Variants in GLS observed in about 807,000 individuals in gnomAD.
GLS encodes glutaminase kidney isoform, mitochondrial.
In GLS, 36 loss-of-function variants were observed where a neutral mutation model predicts 86.7. That is an observed-to-expected ratio of 0.42 (90% CI 0.32 to 0.55). The LOEUF is 0.55. GLS is among the 20% of genes least tolerant of loss of function. The pLI is 0.17. For synonymous variants in GLS, 317 were observed against 305.9 expected, an observed-to-expected ratio of 1.04 and a Z score of -0.38; for missense variants, 528 against 833.4, an observed-to-expected ratio of 0.63 and a Z score of 4.51.
At position 190,881,204 on chromosome 2, in the gene GLS, C is replaced by A; in HGVS notation, c.120C>A (p.Gly40=). ...PLVTLCRRPR[G]GGRPAAGPAA... ...TCACCCTGTGCCGGCGTCCCCGAGG[C>A]GGGGGACGGCCGGCCGCGGGCCCGG... The change falls in exon 1 of 18, where the codon GGC becomes GGA. Residue 40 remains glycine (G), a synonymous_variant. Transcript: ENST00000320717. 1 of 1,260,774 alleles carries A rather than the reference C, an allele frequency of 7.9e-7. No homozygotes were observed. The highest frequency in any genetic ancestry group is 3.1e-5 in the South Asian group (1 of 32,754). 78.1% of individuals were successfully genotyped at this position (1,260,774 alleles called of 1,614,324 possible).
intron 1 of GLS, among the ~76,000 whole-genome samples, chr2:190,882,434 C>T (rs1472925132): frequency 6.6e-6 from 1 of 152,094 alleles, no homozygotes; most frequent in African/African-American, 2.4e-5. Flanking sequence ...CTTTGTTTTC[C>T]CAAAATGGGT....
At chr2:190,940,928 T>C (rs1264274935) in intron 14 of GLS, among the ~76,000 whole-genome samples, 2 of 152,130 alleles carry the variant, frequency 1.3e-5, no homozygotes. Context: ...AAGATTACCA[T>C]CCCCCTCAGC....
chr2:190,901,416 A>T (rs1445396045), intron 4 of GLS, among the ~76,000 whole-genome samples: 1 of 152,084 alleles, frequency 6.6e-6, no homozygotes, highest in Non-Finnish European at 1.5e-5. Flanking sequence ...TAGACTGAAG[A>T]AGAAGAGGAG....
At chr2:190,933,371 G>A in intron 14 of GLS, 1 of 875,058 alleles carries the variant, frequency 1.1e-6, no homozygotes, top group Non-Finnish European at 1.4e-6. Context: ...AAATAGCAGT[G>A]GATTATAAAA....
Position 190,953,950 on chromosome 2 carries a change from A to ATATG in GLS, c.1712+325_1712+326insATGT, listed in dbSNP as rs1317010664. ...CTACCCTCCATTCCCAATCTTTGATATGTGTGTGTGTGTGTGTGTGTGTGT... is the reference window on the plus strand; with the variant it reads ...CTACCCTCCATTCCCAATCTTTGATATATGTGTGTGTGTGTGTGTGTGTGTGTGT... On this transcript the variant is annotated intron_variant, in intron 15 of 17. Coordinates refer to ENST00000320717, the MANE Select transcript of GLS (RefSeq NM_014905.5). This position sits in a 1 kb window ranked among gnomAD's most constrained non-coding sequence, Gnocchi z 4.0. 7.3e-6 allele frequency among the ~76,000 whole-genome samples: 1 copy of ATATG among 136,684 alleles called. No individual in the cohort carries two copies. Among genetic ancestry groups the ATATG allele is most frequent in the African/African-American group, 2.8e-5 (1 of 36,136 alleles). 89.7% of individuals were successfully genotyped at this position (136,684 alleles called of 152,430 possible). A position where few individuals can be genotyped will look rare whatever the true frequency, so the allele number is the denominator to read the frequency against.
At chr2:190,960,427 T>C (rs1690971614) in intron 17 of GLS, among the ~76,000 whole-genome samples, 1 of 148,000 alleles carries the variant, frequency 6.8e-6, no homozygotes, top group South Asian at 2.2e-4. Flanking sequence ...GCAAGTGGCA[T>C]GATCATAGTT....
rs998638912 is a variant in GLS, at chr2:190,897,272, G to A, written c.605+1547G>A. On this transcript the variant is annotated intron_variant, in intron 3 of 17. Coordinates refer to ENST00000320717, the MANE Select transcript of GLS (RefSeq NM_014905.5). The surrounding 1 kb of genome is among the most constrained non-coding windows in gnomAD (Gnocchi z 4.3). ...ACTCCTGACCTCAGGTAATCCATCC[G>A]CCTCGGCCTCCTAAAGTTACACGGT... Among the ~76,000 whole-genome samples the A allele has an allele frequency of 6.6e-6, 1 of 151,980 alleles. No individual in the cohort carries two copies. Among genetic ancestry groups the A allele is most frequent in the African/African-American group, 2.4e-5 (1 of 41,362 alleles).
intron 1 of GLS, among the ~76,000 whole-genome samples, chr2:190,892,271 CGA>C (rs956515208): frequency 6.6e-6 from 1 of 151,828 alleles, no homozygotes; most frequent in Non-Finnish European, 1.5e-5. Flanking sequence ...AGAAAGGAAA[CGA>C]GAGAGACAGT....
At position 190,914,517 on chromosome 2, in the gene GLS, T is replaced by C. The variant is rs1273969744; in HGVS notation, c.1038+4196T>C. Among the ~76,000 whole-genome samples the C allele has an allele frequency of 6.6e-6, 1 of 152,044 alleles. No homozygotes were observed. The highest frequency in any genetic ancestry group is 1.5e-5 in the Non-Finnish European group (1 of 67,994). ...TATTTTTAGGGTTGATCTATGAAAA[T>C]ACTAGATCTAGAAAAACATTCTTTT... On this transcript the variant is annotated intron_variant, in intron 7 of 17. Coordinates refer to ENST00000320717, the MANE Select transcript of GLS (RefSeq NM_014905.5). The surrounding 1 kb of genome is among the most constrained non-coding windows in gnomAD (Gnocchi z 4.4).
chr2:190,882,422 C>G (rs142977997), intron 1 of GLS, among the ~76,000 whole-genome samples: 131 of 152,210 alleles, frequency 8.6e-4, no homozygotes, highest in African/African-American at 2.7e-3. Context: ...ACAAATGGAC[C>G]ACTTTGTTTT....
Position 190,880,917 on chromosome 2 carries a change from AG to A in GLS, c.-167del. On this transcript the variant is annotated 5_prime_UTR_variant, in exon 1 of 18. Transcript: ENST00000320717. ...CAGCAGCAGCAGCAGCAGCAGCAGCAGCACCCGCATCCGCTGCGGGAGTCCG... is the reference window on the plus strand; with the variant it reads ...CAGCAGCAGCAGCAGCAGCAGCAGCACACCCGCATCCGCTGCGGGAGTCCG... 2 of 883,310 alleles carry A rather than the reference AG, an allele frequency of 2.3e-6. No homozygotes were observed. The highest frequency in any genetic ancestry group is 3.4e-6 in the Non-Finnish European group (2 of 584,242). The allele number at this position is 883,310 out of a possible 1,614,324, so 54.7% of individuals were successfully genotyped here. A position where few individuals can be genotyped will look rare whatever the true frequency, so the allele number is the denominator to read the frequency against.
At position 190,947,073 on chromosome 2, in the gene GLS, A is replaced by G. The variant is rs1690593186; in HGVS notation, c.1651-6492A>G. On this transcript the variant is annotated intron_variant, in intron 14 of 17. Transcript: ENST00000320717. The surrounding 1 kb of genome is among the most constrained non-coding windows in gnomAD (Gnocchi z 5.0). ...GTTGAATGTTTTAGGGTCATCCACT[A>G]TATAAATACAGAGTAATGTGAGTAT... Among the ~76,000 whole-genome samples the G allele has an allele frequency of 6.6e-6, 1 of 152,236 alleles. No homozygotes were observed. The highest frequency in any genetic ancestry group is 2.1e-4 in the South Asian group (1 of 4,834).
intron 7 of GLS, among the ~76,000 whole-genome samples, chr2:190,916,692 C>G (rs1430772379): frequency 6.6e-6 from 1 of 151,978 alleles, no homozygotes; most frequent in Admixed American, 6.6e-5. Flanking sequence ...ATTCTTTAGT[C>G]AATGCAATTA....
intron 14 of GLS, among the ~76,000 whole-genome samples, chr2:190,940,504 C>T (rs1270507045): frequency 6.6e-6 from 1 of 152,066 alleles, no homozygotes; most frequent in African/African-American, 2.4e-5. Flanking sequence ...TATCTGAATG[C>T]CCTTATTCTG....
chr2:190,962,682 G>C lies in GLS; in HGVS notation c.1854-148G>C. 1 of 431,914 alleles carries C rather than the reference G, an allele frequency of 2.3e-6. No individual in the cohort carries two copies. The highest frequency in any genetic ancestry group is 4.0e-6 in the Non-Finnish European group (1 of 248,436). The allele number at this position is 431,914 out of a possible 1,614,324, so 26.8% of individuals were successfully genotyped here. On this transcript the variant is annotated intron_variant, in intron 17 of 17. Coordinates refer to ENST00000320717, the MANE Select transcript of GLS (RefSeq NM_014905.5). This position sits in a 1 kb window ranked among gnomAD's most constrained non-coding sequence, Gnocchi z 4.2. ...CTTTTTGAATTATAAATCCCTTTCT[G>C]CATTTCTATTATTAATTTTTATTTG...
chr2:190,912,346 CTT>C (rs34419675), intron 7 of GLS, among the ~76,000 whole-genome samples: 50 of 122,484 alleles, frequency 4.1e-4, no homozygotes, highest in East Asian at 1.4e-3. Context: ...TTCACAAGTG[CTT>C]TTTTTTTTTT....
intron 5 of GLS, 109 bp from the exon 6 acceptor site, chr2:190,904,895 T>A (rs1689079558): frequency 1.4e-6 from 1 of 700,210 alleles, no homozygotes; most frequent in South Asian, 1.6e-5. Flanking sequence ...GGTTGAATTA[T>A]GGGAAAATTT....
intron 12 of GLS, among the ~76,000 whole-genome samples, chr2:190,929,003 T>A (rs939970033): frequency 2.0e-5 from 3 of 150,670 alleles, no homozygotes; most frequent in African/African-American, 4.9e-5. Flanking sequence ...TTATTTATTT[T>A]GAGACAGAGT....
rs538377550 is a variant in GLS, at chr2:190,956,675, C to A, written c.1853+1857C>A. ...GTAGCTTTATGGGGATAGCATAGAA[C>A]CTATAAATTACTTTGGGTTGTATGG... On this transcript the variant is annotated intron_variant, in intron 17 of 17. Transcript: ENST00000320717. This position sits in a 1 kb window ranked among gnomAD's most constrained non-coding sequence, Gnocchi z 4.2. Among the ~76,000 whole-genome samples, 4 of 151,998 alleles carry A rather than the reference C, an allele frequency of 2.6e-5. No individual in the cohort carries two copies. The highest frequency in any genetic ancestry group is 1.3e-4 in the Admixed American group (2 of 15,254).
Sources: gnomAD v4.1 joint callset for allele counts (sites outside exome capture counted in the v4.1 genomes callset) on GRCh38, gnomAD v4.1.1 for gene constraint, Gnocchi (gnomAD v3.1) non-coding constraint, MANE v1.5 for transcripts, NCBI Gene and HGNC (gene_info 2026-07-23, HGNC 2026-07-21) for gene names.